The following SLC24A3 variants were observed in gnomAD, a reference collection of about 807,000 sequenced individuals.
SLC24A3 encodes the protein sodium/potassium/calcium exchanger 3.
In SLC24A3, 28 loss-of-function variants were observed where a neutral mutation model predicts 75.8. The ratio of observed to expected loss-of-function variants is 0.37; its 90% CI spans 0.27 to 0.51. The LOEUF (loss-of-function observed/expected upper bound fraction) is 0.51. Ranked by LOEUF, SLC24A3 falls within the 20% of genes least tolerant of loss-of-function variation. The probability of loss-of-function intolerance (pLI) is 0.94; values close to 1 mark genes in which losing one functional copy is unlikely to be tolerated. For missense variants in SLC24A3, 663 were observed against 847.8 expected, an observed-to-expected ratio of 0.78 and a Z score of 2.71; for synonymous variants, 372 against 334.1, an observed-to-expected ratio of 1.11 and a Z score of -1.24.
intron 6 of SLC24A3, among the ~76,000 whole-genome samples, chr20:19,634,171 G>A (rs748588386): frequency 3.3e-5 from 5 of 152,278 alleles, no homozygotes; most frequent in African/African-American, 1.2e-4. Context: ...TGGTGTTTAT[G>A]TGCTATTTAA....
Position 19,412,722 on chromosome 20 carries a change from A to G in SLC24A3, c.272-102766A>G, listed in dbSNP as rs6132201. ...GAATAGTATAGGGTGCATATTTTGG[A>G]TGTCACTTTGACTTGATATCTTTTA... On this transcript the variant is annotated intron_variant, in intron 2 of 16. Coordinates refer to ENST00000328041, the MANE Select transcript of SLC24A3 (RefSeq NM_020689.4). Among the ~76,000 whole-genome samples the G allele has an allele frequency of 0.028, 4,263 of 152,222 alleles. 428 individuals are homozygous for G. The East Asian group carries it at 0.34, about 12-fold the overall frequency.
intron 3 of SLC24A3, among the ~76,000 whole-genome samples, chr20:19,542,935 T>A (rs1170550670): frequency 6.6e-6 from 1 of 152,166 alleles, no homozygotes; most frequent in African/African-American, 2.4e-5. Context: ...TCCCACAGAT[T>A]CAGTTTTAGC....
intron 8 of SLC24A3, 129 bp from the exon 9 acceptor site, chr20:19,673,472 C>A: frequency 2.8e-6 from 2 of 725,134 alleles, no homozygotes; most frequent in Non-Finnish European, 4.9e-6. Flanking sequence ...AGGAAATATC[C>A]GTCACCTAGC....
At chr20:19,635,456 C>A (rs2031989015) in intron 6 of SLC24A3, among the ~76,000 whole-genome samples, 1 of 152,154 alleles carries the variant, frequency 6.6e-6, no homozygotes. Context: ...TTAAACAAAT[C>A]TTTGTGCATC....
At chr20:19,647,708 GC>G (rs1463656751) in intron 6 of SLC24A3, among the ~76,000 whole-genome samples, 1 of 152,204 alleles carries the variant, frequency 6.6e-6, no homozygotes, top group African/African-American at 2.4e-5. Context: ...GATTGAGAAG[GC>G]ATGTCTGAGT....
rs117188910 is a variant in SLC24A3, at chr20:19,472,263, C to T, written c.272-43225C>T. ...CTATGTCACCTGCCTGGGGGCCCTGCGTTATGCACATAAAAAATGCATGGG... is the reference window on the plus strand; with the variant it reads ...CTATGTCACCTGCCTGGGGGCCCTGTGTTATGCACATAAAAAATGCATGGG... On this transcript the variant is annotated intron_variant, in intron 2 of 16. Transcript: ENST00000328041. Among the ~76,000 whole-genome samples, 1,110 of 152,260 alleles carry T rather than the reference C, an allele frequency of 7.3e-3. 5 individuals carry two copies. The highest frequency in any genetic ancestry group is 0.012 in the Non-Finnish European group (841 of 68,018).
At chr20:19,281,295 G>T (rs762422949) in intron 2 of SLC24A3, among the ~76,000 whole-genome samples, 1 of 152,158 alleles carries the variant, frequency 6.6e-6, no homozygotes, top group African/African-American at 2.4e-5. Context: ...ACTGGAGCTG[G>T]GGGTAAGTCA....
chr20:19,245,963 G>A (rs1031988067), intron 1 of SLC24A3, among the ~76,000 whole-genome samples: 5 of 152,092 alleles, frequency 3.3e-5, no homozygotes, highest in African/African-American at 9.7e-5. Flanking sequence ...TTAAGGTATA[G>A]AAGATTTGAA....
At chr20:19,699,210 A>G (rs374607638) in intron 15 of SLC24A3, among the ~76,000 whole-genome samples, 1 of 152,226 alleles carries the variant, frequency 6.6e-6, no homozygotes, top group African/African-American at 2.4e-5. Flanking sequence ...CCCCTACTTT[A>G]GTGTACTTAG....
intron 2 of SLC24A3, among the ~76,000 whole-genome samples, chr20:19,395,640 G>GTGTT (rs1986441179): frequency 6.6e-6 from 1 of 152,178 alleles, no homozygotes; most frequent in Non-Finnish European, 1.5e-5. Flanking sequence ...GTAACTAAAC[G>GTGTT]CTGAAAATGT....
At chr20:19,325,564 C>G (rs1984819488) in intron 2 of SLC24A3, among the ~76,000 whole-genome samples, 1 of 151,654 alleles carries the variant, frequency 6.6e-6, no homozygotes, top group Admixed American at 6.6e-5. Flanking sequence ...TGCCCTGCTC[C>G]TTCCTGACCA....
chr20:19,441,926 C>T (rs1987305683), intron 2 of SLC24A3, among the ~76,000 whole-genome samples: 1 of 152,172 alleles, frequency 6.6e-6, no homozygotes, highest in East Asian at 1.9e-4. Flanking sequence ...GACATTTCTT[C>T]CAGAATGTCA....
chr20:19,263,876 G>T (rs1983073813), intron 1 of SLC24A3, among the ~76,000 whole-genome samples: 1 of 152,134 alleles, frequency 6.6e-6, no homozygotes, highest in African/African-American at 2.4e-5. Flanking sequence ...TCACTGTGAG[G>T]CATCAAGAGG....
intron 3 of SLC24A3, among the ~76,000 whole-genome samples, chr20:19,518,001 C>T (rs2067845): frequency 0.23 from 34,255 of 152,190 alleles, 4,046 homozygotes; most frequent in Middle Eastern, 0.31. Flanking sequence ...GAAGCCCCTT[C>T]GTACTGTGTC....
chr20:19,388,494 C>T (rs1055507689), intron 2 of SLC24A3, among the ~76,000 whole-genome samples: 2 of 152,106 alleles, frequency 1.3e-5, no homozygotes, highest in Non-Finnish European at 2.9e-5. Flanking sequence ...GGTGGATCAC[C>T]GGGTCAGGAG....
intron 6 of SLC24A3, among the ~76,000 whole-genome samples, chr20:19,592,325 C>G (rs1301041329): frequency 6.6e-6 from 1 of 152,120 alleles, no homozygotes; most frequent in African/African-American, 2.4e-5. Flanking sequence ...ATTATATTGT[C>G]CAGGCAGTCT....
intron 3 of SLC24A3, among the ~76,000 whole-genome samples, chr20:19,519,476 C>A (rs1311701095): frequency 6.6e-6 from 1 of 152,182 alleles, no homozygotes; most frequent in Admixed American, 6.5e-5. Context: ...TCAGAAATCC[C>A]AAGCCTGAGA....
At chr20:19,447,264 C>G (rs1987402913) in intron 2 of SLC24A3, among the ~76,000 whole-genome samples, 1 of 152,128 alleles carries the variant, frequency 6.6e-6, no homozygotes, top group East Asian at 1.9e-4. Flanking sequence ...GTAGTCAGTT[C>G]TCAATGCCCT....
intron 15 of SLC24A3, among the ~76,000 whole-genome samples, chr20:19,699,835 G>A (rs1025735898): frequency 6.6e-6 from 1 of 152,204 alleles, no homozygotes; most frequent in African/African-American, 2.4e-5. Flanking sequence ...GGCTTTTGGG[G>A]AGGGCTGGTC....
Sources: allele counts gnomAD v4.1 joint callset (sites outside exome capture counted in the v4.1 genomes callset), GRCh38; gene constraint gnomAD v4.1.1; transcripts MANE v1.5; gene names NCBI Gene and HGNC (gene_info 2026-07-23, HGNC 2026-07-21).